The following LPIN1 variants were observed in gnomAD, a reference collection of about 807,000 sequenced individuals.
LPIN1 encodes the protein phosphatidate phosphatase LPIN1.
A neutral mutation model predicts 107.5 loss-of-function variants in LPIN1; 71 were observed. The observed-to-expected ratio is 0.66, with a 90% CI of 0.55 to 0.80. The LOEUF (loss-of-function observed/expected upper bound fraction) is 0.80. Among genes scored for constraint, LPIN1 ranks in the 30% least tolerant of loss-of-function variants. The probability of loss-of-function intolerance (pLI) is 0.00; values close to 1 mark genes in which losing one functional copy is unlikely to be tolerated. For missense variants in LPIN1, 1,043 were observed against 1,160.6 expected (o/e 0.90, Z 1.47); for synonymous variants, 445 against 452.6 (o/e 0.98, Z 0.21).
At chr2:11,792,723 C>G (rs1675989574) in intron 13 of LPIN1, among the ~76,000 whole-genome samples, 1 of 152,222 alleles carries the variant, frequency 6.6e-6, no homozygotes, top group Admixed American at 6.5e-5. Context: ...CAGCAGTTGA[C>G]TAATTCTCTG....
intron 17 of LPIN1, among the ~76,000 whole-genome samples, chr2:11,812,902 C>T (rs1015725101): frequency 1.3e-5 from 2 of 152,056 alleles, no homozygotes; most frequent in Admixed American, 6.6e-5. Flanking sequence ...GGTGGGAGCA[C>T]TGGGTGGTGC....
At position 11,691,948 on chromosome 2, in the gene LPIN1, G is replaced by C. The variant is rs536702472; in HGVS notation, c.81+14220G>C. Among the ~76,000 whole-genome samples, 34 of 152,192 alleles carry C rather than the reference G, an allele frequency of 2.2e-4. 1 individual carries two copies. Among genetic ancestry groups the C allele is most frequent in the Non-Finnish European group, 3.1e-4 (21 of 68,030 alleles). On this transcript the variant is annotated intron_variant, in intron 1 of 21. Transcript: ENST00000449576. ...TCTCTGAAACCCTGACCTACAATGC[G>C]AGTGTGTGTGTGATTCCCTTGATTT...
intron 1 of LPIN1, among the ~76,000 whole-genome samples, chr2:11,751,652 A>G (rs1280368586): frequency 6.6e-6 from 1 of 152,182 alleles, no homozygotes; most frequent in African/African-American, 2.4e-5. Context: ...GGAGATCAAG[A>G]CCATCCTGGC....
In LPIN1 at chr2:11,786,896, C is replaced by T. The variant is rs192417036; in HGVS notation, c.1550-178C>T. On this transcript the variant is annotated intron_variant, in intron 10 of 20. Coordinates refer to ENST00000674199, the MANE Select transcript of LPIN1 (RefSeq NM_001349206.2). This position sits in a 1 kb window ranked among gnomAD's most constrained non-coding sequence, Gnocchi z 4.1. ...TGGCCTCCCTGCATTGCTGCACAGA[C>T]GCCGCCTTCCAGGTAAAATGGTGCG... Among the ~76,000 whole-genome samples, 34 of 152,364 alleles carry T rather than the reference C, an allele frequency of 2.2e-4. No individual in the cohort carries two copies. Among genetic ancestry groups the T allele is most frequent in the Middle Eastern group, 6.8e-3 (2 of 294 alleles).
In LPIN1 at chr2:11,803,175, G is replaced by A. The variant is rs936127995; in HGVS notation, c.2013+142G>A. On this transcript the variant is annotated intron_variant, in intron 15 of 20. Transcript: ENST00000674199. This position sits in a 1 kb window ranked among gnomAD's most constrained non-coding sequence, Gnocchi z 4.2. ...CCTGCAATCCCTCAACTGGGTACCCGCTGTTTCCACCCCAACTCCAGCACT... is the reference window on the plus strand; with the variant it reads ...CCTGCAATCCCTCAACTGGGTACCCACTGTTTCCACCCCAACTCCAGCACT... The A allele has an allele frequency of 2.7e-5, 31 of 1,138,692 alleles. No individual in the cohort carries two copies. Among genetic ancestry groups the A allele is most frequent in the Non-Finnish European group, 3.4e-5 (26 of 769,878 alleles). 70.5% of individuals were successfully genotyped at this position (1,138,692 alleles called of 1,614,324 possible).
chr2:11,716,235 C>CA (rs1383880306), intron 2 of LPIN1, among the ~76,000 whole-genome samples: 2 of 152,092 alleles, frequency 1.3e-5, no homozygotes, highest in African/African-American at 4.8e-5. Context: ...GGCAGGCTTC[C>CA]AACCCACACC....
At chr2:11,737,845 A>G (rs1665941869) in intron 1 of LPIN1, among the ~76,000 whole-genome samples, 1 of 152,258 alleles carries the variant, frequency 6.6e-6, no homozygotes, top group South Asian at 2.1e-4. Context: ...TAAAGGATCT[A>G]GAACCAGAAA....
intron 1 of LPIN1, among the ~76,000 whole-genome samples, chr2:11,713,037 A>G (rs2148525510): frequency 6.6e-6 from 1 of 152,330 alleles, no homozygotes. Flanking sequence ...TACAGGTAAG[A>G]AAACAAGCCC....
intron 12 of LPIN1, among the ~76,000 whole-genome samples, chr2:11,789,478 ATG>A (rs1572844468): frequency 1.3e-5 from 2 of 148,648 alleles, no homozygotes; most frequent in South Asian, 4.3e-4. Context: ...ACGTGTGTGC[ATG>A]TGTGGATGTG....
intron 17 of LPIN1, among the ~76,000 whole-genome samples, chr2:11,814,335 G>C (rs767856693): frequency 1.0e-3 from 157 of 152,278 alleles, no homozygotes; most frequent in Non-Finnish European, 6.0e-4. Context: ...CCTGTGCAGG[G>C]ACAGCAAGGA....
chr2:11,733,628 AT>A (rs1331007945), intron 1 of LPIN1, among the ~76,000 whole-genome samples: 1 of 151,900 alleles, frequency 6.6e-6, no homozygotes, highest in Non-Finnish European at 1.5e-5. Flanking sequence ...AGTAGCTGGG[AT>A]TACAGGTGTG....
rs553178936 is a variant in LPIN1 at position 11,697,991 on chromosome 2, C to T, written c.82-15765C>T. 2.3e-4 allele frequency among the ~76,000 whole-genome samples: 35 copies of T among 152,174 alleles called. No individual in the cohort carries two copies. The East Asian group carries it at 6.2e-3, about 27-fold the overall frequency. ...GTTTTGCCTACAGTCCTGGTGGAGCCGGTGGTGGTCAGAGAGTTTCACTGT... is the reference window on the plus strand; with the variant it reads ...GTTTTGCCTACAGTCCTGGTGGAGCTGGTGGTGGTCAGAGAGTTTCACTGT... On this transcript the variant is annotated intron_variant, in intron 1 of 21. Transcript: ENST00000449576. This position sits in a 1 kb window ranked among gnomAD's most constrained non-coding sequence, Gnocchi z 4.6.
At position 11,803,373 on chromosome 2, in the gene LPIN1, AAG is replaced by A. The variant is rs1450163140; in HGVS notation, c.2013+348_2013+349del. Among the ~76,000 whole-genome samples, 1 of 152,092 alleles carries A rather than the reference AAG, an allele frequency of 6.6e-6. No homozygotes were observed. Among genetic ancestry groups the A allele is most frequent in the Non-Finnish European group, 1.5e-5 (1 of 68,012 alleles). On this transcript the variant is annotated intron_variant, in intron 15 of 20. Transcript: ENST00000674199. The surrounding 1 kb of genome is among the most constrained non-coding windows in gnomAD (Gnocchi z 4.2). ...AATCACTCAAGGGTGTTTTTGCTTC[AAG>A]AGAGAGATGTTTGTTAACTCAAATG...
At chr2:11,731,289 C>T (rs904296062) in intron 1 of LPIN1, among the ~76,000 whole-genome samples, 3 of 151,914 alleles carry the variant, frequency 2.0e-5, no homozygotes, top group Non-Finnish European at 4.4e-5. Context: ...CATGTGTTCT[C>T]ATTGTTCAAC....
chr2:11,701,711 G>T (rs1662882460), intron 1 of LPIN1, among the ~76,000 whole-genome samples: 1 of 152,198 alleles, frequency 6.6e-6, no homozygotes, highest in Non-Finnish European at 1.5e-5. Context: ...GCAAAGAAAA[G>T]TTAAATGACT....
At chr2:11,814,567 TTGTTTTAAGGATGAAATGAGAGA>T (rs548325766) in intron 17 of LPIN1, among the ~76,000 whole-genome samples, 38 of 151,446 alleles carry the variant, frequency 2.5e-4, no homozygotes, top group African/African-American at 9.0e-4. Context: ...TTGGCTTGGC[TTGTTTTAAGGATGAAATGAGAGA>T]TTGCAGAATA....
chr2:11,812,972 C>T (rs1463466625), intron 17 of LPIN1, among the ~76,000 whole-genome samples: 1 of 152,036 alleles, frequency 6.6e-6, no homozygotes, highest in African/African-American at 2.4e-5. Flanking sequence ...GGTAGGTAGA[C>T]ACCAACGGGG....
chr2:11,789,575 C>CGT (rs143313691), intron 12 of LPIN1, among the ~76,000 whole-genome samples: 15 of 147,688 alleles, frequency 1.0e-4, no homozygotes, highest in African/African-American at 3.0e-4. Flanking sequence ...TGTGTGTGTG[C>CGT]GTGTGTGTGT....
intron 17 of LPIN1, among the ~76,000 whole-genome samples, chr2:11,810,202 G>T (rs889465636): frequency 1.3e-5 from 2 of 152,154 alleles, no homozygotes; most frequent in South Asian, 2.1e-4. Context: ...CTGTAATAAG[G>T]CAGTGAGGGG....
Sources: gnomAD v4.1 joint callset for allele counts (sites outside exome capture counted in the v4.1 genomes callset) on GRCh38, gnomAD v4.1.1 for gene constraint, Gnocchi (gnomAD v3.1) non-coding constraint, MANE v1.5 for transcripts, NCBI Gene and HGNC (gene_info 2026-07-23, HGNC 2026-07-21) for gene names.